The following MPP7 variants were observed in gnomAD, a reference collection of about 807,000 sequenced individuals.
MPP7 encodes MAGUK p55 subfamily member 7.
Under a neutral mutation model 76.5 loss-of-function variants are expected in MPP7, and 60 were observed. The ratio of observed to expected loss-of-function variants is 0.78; its 90% CI spans 0.64 to 0.97. MPP7 has a LOEUF of 0.97. MPP7 is among the 50% of genes least tolerant of loss of function. MPP7 has a pLI of 0.00. For synonymous variants in MPP7, 237 were observed against 244.5 expected (o/e 0.97, Z 0.29); for missense variants, 641 against 694.0 (o/e 0.92, Z 0.86).
chr10:28,070,226 C>T (rs7923574), intron 12 of MPP7, among the ~76,000 whole-genome samples: 1 of 151,916 alleles, frequency 6.6e-6, no homozygotes, highest in Non-Finnish European at 1.5e-5. Flanking sequence ...TGAAACCCCA[C>T]CTCTACTGAA....
At chr10:28,276,851 T>C (rs1840515534) in intron 1 of MPP7, among the ~76,000 whole-genome samples, 2 of 152,182 alleles carry the variant, frequency 1.3e-5, no homozygotes, top group South Asian at 4.1e-4. Flanking sequence ...AATAGCCCTA[T>C]CGTTTGACTG....
At chr10:28,325,487 T>TTC (rs1305961198) in intron 2 of MPP7, among the ~76,000 whole-genome samples, 1 of 151,584 alleles carries the variant, frequency 6.6e-6, no homozygotes, top group African/African-American at 2.4e-5. Context: ...CCCATTTCAT[T>TTC]TCTTTTTCTT....
At chr10:28,086,533 C>T (rs1017249912) in intron 12 of MPP7, among the ~76,000 whole-genome samples, 1 of 152,042 alleles carries the variant, frequency 6.6e-6, no homozygotes. Context: ...ACAGGAGAAG[C>T]GAAAATACCT....
chr10:28,215,350 TAAAAG>T (rs941328916), intron 2 of MPP7, among the ~76,000 whole-genome samples: 4 of 149,736 alleles, frequency 2.7e-5, no homozygotes, highest in African/African-American at 9.8e-5. Context: ...AAAAAAAAAA[TAAAAG>T]CAAACACAAG....
chr10:28,334,831 T>A (rs866902188), upstream of MPP7, among the ~76,000 whole-genome samples: 6 of 152,166 alleles, frequency 3.9e-5, no homozygotes, highest in African/African-American at 1.4e-4. Context: ...CAAAATCCTA[T>A]TGAAATGAGA....
chr10:28,079,046 T>G (rs993643726), intron 12 of MPP7, among the ~76,000 whole-genome samples: 2 of 152,184 alleles, frequency 1.3e-5, no homozygotes, highest in Non-Finnish European at 2.9e-5. Context: ...ACATGACACC[T>G]TTTCCCCAAA....
At chr10:28,062,530 A>AC (rs1851828565) in intron 13 of MPP7, among the ~76,000 whole-genome samples, 1 of 123,020 alleles carries the variant, frequency 8.1e-6, no homozygotes, top group Non-Finnish European at 1.6e-5. Flanking sequence ...CCATAATAGT[A>AC]AACACACACA....
chr10:28,179,142 C>T (rs1156531050), intron 3 of MPP7, among the ~76,000 whole-genome samples: 1 of 152,172 alleles, frequency 6.6e-6, no homozygotes, highest in East Asian at 1.9e-4. Context: ...TGCAACCCCA[C>T]ACTAACCTCA....
intron 2 of MPP7, among the ~76,000 whole-genome samples, chr10:28,205,991 C>T (rs1418528154): frequency 6.6e-6 from 1 of 152,092 alleles, no homozygotes; most frequent in Non-Finnish European, 1.5e-5. Context: ...TGCCTTTCTG[C>T]CATGGATGAC....
At position 28,299,134 on chromosome 10, in the gene MPP7, T is replaced by C. The variant is rs544879951; in HGVS notation, c.-132+3727A>G. 8.5e-5 allele frequency among the ~76,000 whole-genome samples: 13 copies of C among 152,346 alleles called. No homozygotes were observed. The South Asian group carries it at 2.7e-3, about 32-fold the overall frequency. On this transcript the variant is annotated intron_variant, in intron 1 of 16. Transcript: ENST00000683449. ...GCACTTTTAGTTTCTTTCAAGAACC[T>C]TTCCTTTGCATTCAGAGCTCGCTTG... is the stretch of plus-strand genomic sequence containing the variant.
In MPP7 at chr10:28,238,570, G is replaced by A. The variant is rs760599935; in HGVS notation, c.35C>T (p.Thr12Ile). 18 of 1,613,982 alleles carry A rather than the reference G, an allele frequency of 1.1e-5. No homozygotes were observed. The highest frequency in any genetic ancestry group is 4.0e-5 in the African/African-American group (3 of 74,928). Residue 12 changes from threonine (T) to isoleucine (I), a missense_variant and splice_region_variant, in exon 2 of 17, where the codon ACT becomes ATT. Coordinates refer to ENST00000683449, the MANE Select transcript of MPP7 (RefSeq NM_001318170.2). ...PALSTGSGSDTGLYELLAALP... is the reference protein window; with the variant it reads ...PALSTGSGSDIGLYELLAALP... The stretch of plus-strand genomic sequence containing the variant: ...CTGCCCCTCTTGGGGTCACATACCA[G>A]TGTCACTCCCAGATCCCGTTGACAA...
At chr10:28,312,199 T>C (rs566447011) in intron 2 of MPP7, among the ~76,000 whole-genome samples, 9 of 152,312 alleles carry the variant, frequency 5.9e-5, no homozygotes, top group African/African-American at 1.9e-4. Context: ...CCCTTTTTTG[T>C]CCCCTCGCAT....
intron 6 of MPP7, among the ~76,000 whole-genome samples, chr10:28,126,161 TTAAG>T (rs1417176976): frequency 6.6e-6 from 1 of 152,152 alleles, no homozygotes; most frequent in African/African-American, 2.4e-5. Context: ...AGTCAAAGAA[TTAAG>T]TGACAGGCAT....
At chr10:28,109,293 C>T (rs902164847) in intron 11 of MPP7, among the ~76,000 whole-genome samples, 1 of 151,588 alleles carries the variant, frequency 6.6e-6, no homozygotes, top group South Asian at 2.1e-4. Flanking sequence ...ATCTCAAAAA[C>T]AACAACAACA....
At chr10:28,150,186 TACAC>T in intron 3 of MPP7, 127 bp from the exon 4 acceptor site, 4 of 657,708 alleles carry the variant, frequency 6.1e-6, no homozygotes, top group Non-Finnish European at 1.1e-5. Flanking sequence ...TATGACATAT[TACAC>T]ACATGTAATA....
chr10:28,145,008 G>A (rs1256330163), intron 5 of MPP7, among the ~76,000 whole-genome samples: 1 of 152,086 alleles, frequency 6.6e-6, no homozygotes, highest in Non-Finnish European at 1.5e-5. Flanking sequence ...ACACCTCCTG[G>A]GTTCACACAA....
In MPP7 at chr10:28,324,287, A is replaced by T. The variant is rs545654958; in HGVS notation, c.-132+5642T>A. 2.6e-5 allele frequency among the ~76,000 whole-genome samples: 4 copies of T among 152,312 alleles called. No homozygotes were observed. In the East Asian group the frequency reaches 7.7e-4, roughly 29 times the overall value. On this transcript the variant is annotated intron_variant, in intron 2 of 11. Coordinates refer to the MPP7 transcript ENST00000441595. ...ACCAGGCAACAGGCCCTCCCCAGAC[A>T]CCAAATCTGCCAGCGCCTTGATCTT...
At chr10:28,112,084 T>C (rs912508183) in intron 11 of MPP7, among the ~76,000 whole-genome samples, 2 of 152,204 alleles carry the variant, frequency 1.3e-5, no homozygotes, top group Non-Finnish European at 2.9e-5. Flanking sequence ...AGCAAATCAT[T>C]ATTATTATTC....
At chr10:28,316,280 T>C (rs1314315835) in intron 2 of MPP7, among the ~76,000 whole-genome samples, 1 of 151,088 alleles carries the variant, frequency 6.6e-6, no homozygotes, top group East Asian at 1.9e-4. Flanking sequence ...CTACTAAAAT[T>C]ACAAAAATTA....
Sources: gnomAD v4.1 joint callset for allele counts (sites outside exome capture counted in the v4.1 genomes callset) on GRCh38, gnomAD v4.1.1 for gene constraint, MANE v1.5 for transcripts, NCBI Gene and HGNC (gene_info 2026-07-23, HGNC 2026-07-21) for gene names.